Variants in GPM6B observed in about 807,000 individuals in gnomAD.
GPM6B encodes neuronal membrane glycoprotein M6-b.
In GPM6B, 4 loss-of-function variants were observed where a neutral mutation model predicts 27.2. The observed-to-expected ratio is 0.15, with a 90% CI of 0.07 to 0.34. The LOEUF (loss-of-function observed/expected upper bound fraction) is 0.34. GPM6B is among the 10% of genes least tolerant of loss of function. GPM6B has a pLI of 1.00. For missense variants in GPM6B, 183 were observed against 261.9 expected, an observed-to-expected ratio of 0.70 and a Z score of 2.08; for synonymous variants, 124 against 103.1, an observed-to-expected ratio of 1.20 and a Z score of -1.23.
chrX:13,785,516 G>C (rs2048593328), intron 3 of GPM6B, 106 bp downstream of exon 3: 1 of 756,559 alleles, frequency 1.3e-6, no homozygotes. Flanking sequence ...TTGAACTCCT[G>C]ACTTCAGGTG....
intron 1 of GPM6B, among the ~76,000 whole-genome samples, chrX:13,916,922 A>G (rs2050435793): frequency 1.8e-5 from 2 of 111,599 alleles, no homozygotes; most frequent in Non-Finnish European, 3.8e-5. Context: ...AATTATCAAC[A>G]AACATGAGGC....
chrX:13,933,608 T>C (rs186286184), intron 1 of GPM6B, among the ~76,000 whole-genome samples: 164 of 112,323 alleles, frequency 1.5e-3, no homozygotes, highest in Middle Eastern at 4.6e-3. Flanking sequence ...AAAATAGGAG[T>C]GCCAAACGAG....
At chrX:13,927,165 T>TAAA (rs11412427) in intron 1 of GPM6B, among the ~76,000 whole-genome samples, 5 of 102,684 alleles carry the variant, frequency 4.9e-5, no homozygotes, top group African/African-American at 1.4e-4. Flanking sequence ...AAATTCAACA[T>TAAA]AAAAAAAAAA....
rs777500944 is a variant in GPM6B at position 13,884,711 on chromosome X, CCT to C, written c.-198+53614_-198+53615del. Among the ~76,000 whole-genome samples the C allele has an allele frequency of 7.0e-3, 779 of 111,967 alleles. 12 individuals are homozygous for C. The highest frequency in any genetic ancestry group is 0.024 in the African/African-American group (747 of 30,807). On this transcript the variant is annotated intron_variant, in intron 1 of 6. Transcript: ENST00000398361. ...TCTCCATTTTCTTGCCACATTTTCC[CCT>C]GAGAGCTACAAAATAATGCAGCATG... is the stretch of plus-strand genomic sequence containing the variant.
At chrX:13,812,461 G>A (rs1028516434) in intron 1 of GPM6B, among the ~76,000 whole-genome samples, 2 of 111,443 alleles carry the variant, frequency 1.8e-5, no homozygotes, top group African/African-American at 6.5e-5. Context: ...TTCTTCCTCC[G>A]TTCCATGGCC....
intron 1 of GPM6B, among the ~76,000 whole-genome samples, chrX:13,884,023 A>G (rs1346903841): frequency 9.0e-6 from 1 of 111,025 alleles, no homozygotes; most frequent in Non-Finnish European, 1.9e-5. Flanking sequence ...TAAAAAGTAC[A>G]AAAATTAGCC....
chrX:13,833,540 CTCTA>C (rs1214919406), intron 1 of GPM6B, among the ~76,000 whole-genome samples: 4 of 71,700 alleles, frequency 5.6e-5, no homozygotes, highest in African/African-American at 2.5e-4. Context: ...CAGAGCAAGA[CTCTA>C]TCTCTTAAAA....
chrX:13,849,760 G>A (rs1245922055), intron 1 of GPM6B, among the ~76,000 whole-genome samples: 1 of 109,914 alleles, frequency 9.1e-6, no homozygotes, highest in Non-Finnish European at 1.9e-5. Flanking sequence ...GGGGTGGGGG[G>A]GAGAGTAATA....
Position 13,772,721 on chromosome X carries a change from G to A in GPM6B, c.*160C>T. The stretch of plus-strand genomic sequence containing the variant: ...TTCTAAAGAAAAAGATTTACCCACT[G>A]GAAGGTTTTCCTAGAGATACATCCC... On this transcript the variant is annotated 3_prime_UTR_variant, in exon 8 of 8. Coordinates refer to ENST00000316715, the MANE Select transcript of GPM6B (RefSeq NM_001001995.3). 2 of 388,145 alleles carry A rather than the reference G, an allele frequency of 5.2e-6. No individual in the cohort carries two copies. Among genetic ancestry groups the A allele is most frequent in the South Asian group, 1.9e-4 (2 of 10,727 alleles). The allele number at this position is 388,145 out of a possible 1,213,427, so 32.0% of individuals were successfully genotyped here. A position where few individuals can be genotyped will look rare whatever the true frequency, so the allele number is the denominator to read the frequency against.
At chrX:13,828,475 G>A (rs761602566) in intron 1 of GPM6B, among the ~76,000 whole-genome samples, 1 of 111,232 alleles carries the variant, frequency 9.0e-6, no homozygotes, top group South Asian at 3.8e-4. Flanking sequence ...CTCAGCCTCC[G>A]TAACTGTAAG....
chrX:13,919,106 C>T (rs185657514), intron 1 of GPM6B, among the ~76,000 whole-genome samples: 72 of 111,740 alleles, frequency 6.4e-4, no homozygotes, highest in African/African-American at 2.2e-3. Context: ...CATCACAAAG[C>T]GGGATTAGGC....
At chrX:13,868,584 T>C (rs1364689246) in intron 1 of GPM6B, among the ~76,000 whole-genome samples, 2 of 112,516 alleles carry the variant, frequency 1.8e-5, no homozygotes, top group African/African-American at 6.5e-5. Flanking sequence ...AGCCTACATA[T>C]AAAAGAATAA....
At chrX:13,860,809 A>G (rs912024243) in intron 1 of GPM6B, among the ~76,000 whole-genome samples, 1 of 107,525 alleles carries the variant, frequency 9.3e-6, no homozygotes, top group Non-Finnish European at 1.9e-5. Flanking sequence ...CGAGTCCCCA[A>G]ATCCCAGTGT....
intron 1 of GPM6B, among the ~76,000 whole-genome samples, chrX:13,822,509 G>GCA (rs2049321824): frequency 9.1e-6 from 1 of 110,367 alleles, no homozygotes; most frequent in Non-Finnish European, 1.9e-5. Flanking sequence ...GGGACTACAG[G>GCA]CGTGGGGCCA....
intron 1 of GPM6B, among the ~76,000 whole-genome samples, chrX:13,866,946 T>A (rs985404259): frequency 1.8e-5 from 2 of 111,624 alleles, no homozygotes; most frequent in Admixed American, 9.5e-5. Context: ...CTGATATACA[T>A]CCTAGTCAAG....
At chrX:13,795,084 C>G (rs2048785358) in intron 2 of GPM6B, among the ~76,000 whole-genome samples, 1 of 112,456 alleles carries the variant, frequency 8.9e-6, no homozygotes, top group South Asian at 3.7e-4. Context: ...AGACTGACAG[C>G]TTCCAAATAC....
At chrX:13,788,859 C>T (rs913207791) in intron 2 of GPM6B, among the ~76,000 whole-genome samples, 1 of 110,752 alleles carries the variant, frequency 9.0e-6, no homozygotes, top group East Asian at 2.8e-4. Context: ...TCTGTATATA[C>T]CTCATGCTGT....
intron 1 of GPM6B, among the ~76,000 whole-genome samples, chrX:13,923,319 A>T (rs1463138175): frequency 8.9e-6 from 1 of 112,026 alleles, no homozygotes; most frequent in Admixed American, 9.5e-5. Context: ...GAATGGCAGC[A>T]CCCTGTGAAA....
At chrX:13,894,894 A>G (rs753089540) in intron 1 of GPM6B, among the ~76,000 whole-genome samples, 1 of 110,932 alleles carries the variant, frequency 9.0e-6, no homozygotes, top group Non-Finnish European at 1.9e-5. Context: ...CCTCCCATAC[A>G]CTCCCCCTAT....
Sources: allele counts gnomAD v4.1 joint callset (sites outside exome capture counted in the v4.1 genomes callset), GRCh38; gene constraint gnomAD v4.1.1; transcripts MANE v1.5; gene names NCBI Gene and HGNC (gene_info 2026-07-23, HGNC 2026-07-21).